Variants in HSDL2 observed in about 807,000 individuals in gnomAD.
HSDL2 encodes hydroxysteroid dehydrogenase-like protein 2.
A neutral mutation model predicts 46.3 loss-of-function variants in HSDL2; 27 were observed. The ratio of observed to expected loss-of-function variants is 0.58; its 90% CI spans 0.43 to 0.80. The LOEUF (loss-of-function observed/expected upper bound fraction) is 0.80, where lower values mean the gene tolerates loss of function less well. HSDL2 is among the 30% of genes least tolerant of loss of function. The pLI is 0.00. For missense variants in HSDL2, 451 were observed against 502.7 expected, an observed-to-expected ratio of 0.90 and a Z score of 0.98; for synonymous variants, 153 against 163.6, an observed-to-expected ratio of 0.94 and a Z score of 0.50.
chr9:112,448,287 C>A (rs913626830), intron 8 of HSDL2, among the ~76,000 whole-genome samples: 8 of 140,782 alleles, frequency 5.7e-5, no homozygotes, highest in Admixed American at 7.7e-5. Context: ...ACTTGAACTT[C>A]CAGGAGGTTC....
At chr9:112,400,375 G>A (rs1831561072) in intron 1 of HSDL2, among the ~76,000 whole-genome samples, 5 of 152,172 alleles carry the variant, frequency 3.3e-5, no homozygotes. Context: ...TTGGGAGGCC[G>A]AGGTGGGCAG....
At chr9:112,454,980 G>T (rs1832982108) in intron 9 of HSDL2, among the ~76,000 whole-genome samples, 1 of 152,124 alleles carries the variant, frequency 6.6e-6, no homozygotes, top group African/African-American at 2.4e-5. Context: ...TGCTGAGATT[G>T]CAGGTGTGAG....
chr9:112,467,724 C>T (rs1833433957), intron 10 of HSDL2, among the ~76,000 whole-genome samples: 1 of 152,126 alleles, frequency 6.6e-6, no homozygotes, highest in Non-Finnish European at 1.5e-5. Context: ...CAAAGTCTTC[C>T]TGTACTCTTC....
intron 5 of HSDL2, among the ~76,000 whole-genome samples, chr9:112,418,290 TATATC>T (rs1361560920): frequency 1.3e-5 from 2 of 151,634 alleles, no homozygotes; most frequent in Admixed American, 6.6e-5. Flanking sequence ...TTCTCAAAAA[TATATC>T]AGGGAGGCTG....
At chr9:112,441,638 A>G (rs1480441861) in intron 7 of HSDL2, 61 bp from the exon 8 acceptor site, 1 of 1,082,292 alleles carries the variant, frequency 9.2e-7, no homozygotes, top group Non-Finnish European at 1.4e-6. Flanking sequence ...TATTAAACAG[A>G]TGTTAAAATC....
intron 2 of HSDL2, among the ~76,000 whole-genome samples, chr9:112,405,120 G>A (rs763519810): frequency 3.9e-5 from 6 of 152,224 alleles, no homozygotes; most frequent in East Asian, 1.9e-4. Context: ...GGGAGGCCAA[G>A]GCGGGTGGAT....
At chr9:112,432,926 C>CCTGGCTAATTTTTGTA in intron 6 of HSDL2, among the ~76,000 whole-genome samples, 1 of 152,072 alleles carries the variant, frequency 6.6e-6, no homozygotes, top group African/African-American at 2.4e-5. Context: ...CACCACCACA[C>CCTGGCTAATTTTTGTA]CTGGCTAATT....
At chr9:112,403,308 A>C (rs1321094759) in intron 1 of HSDL2, among the ~76,000 whole-genome samples, 1 of 152,208 alleles carries the variant, frequency 6.6e-6, no homozygotes, top group Non-Finnish European at 1.5e-5. Flanking sequence ...AGGTTTGCCT[A>C]TTCTGGACAT....
chr9:112,399,475 C>G (rs536625023), intron 1 of HSDL2, among the ~76,000 whole-genome samples: 1 of 152,124 alleles, frequency 6.6e-6, no homozygotes, highest in Non-Finnish European at 1.5e-5. Context: ...AAACAGGGTT[C>G]GAGAGCAGAG....
chr9:112,419,980 C>G (rs1309863861), intron 6 of HSDL2, among the ~76,000 whole-genome samples: 1 of 152,230 alleles, frequency 6.6e-6, no homozygotes, highest in African/African-American at 2.4e-5. Flanking sequence ...GATAACATTT[C>G]ACTACACATT....
chr9:112,407,413 A>T (rs895895643), intron 3 of HSDL2, among the ~76,000 whole-genome samples: 1 of 148,818 alleles, frequency 6.7e-6, no homozygotes, highest in Non-Finnish European at 1.5e-5. Flanking sequence ...ATTCAGTTTT[A>T]GTTCTTTTTT....
intron 4 of HSDL2, among the ~76,000 whole-genome samples, chr9:112,413,233 C>T (rs1831917239): frequency 6.6e-6 from 1 of 152,138 alleles, no homozygotes; most frequent in African/African-American, 2.4e-5. Context: ...AATCCCAGCA[C>T]TTTGGGAGGC....
At chr9:112,457,889 A>C (rs2132700964) in intron 9 of HSDL2, among the ~76,000 whole-genome samples, 1 of 152,236 alleles carries the variant, frequency 6.6e-6, no homozygotes, top group Middle Eastern at 3.4e-3. Flanking sequence ...GAACTATCCC[A>C]ACACCATCCT....
intron 8 of HSDL2, among the ~76,000 whole-genome samples, chr9:112,448,757 G>A (rs1325082618): frequency 6.6e-6 from 1 of 151,510 alleles, no homozygotes; most frequent in Non-Finnish European, 1.5e-5. Flanking sequence ...GGGTTTCACT[G>A]CGTTAGCCAG....
intron 9 of HSDL2, among the ~76,000 whole-genome samples, chr9:112,458,314 C>T (rs1271578961): frequency 1.5e-4 from 2 of 13,316 alleles, no homozygotes; most frequent in African/African-American, 6.7e-4. Flanking sequence ...ATTTTAACCA[C>T]TTCTTCTTTT....
intron 7 of HSDL2, among the ~76,000 whole-genome samples, chr9:112,439,758 C>A (rs554678437): frequency 7.9e-5 from 12 of 152,322 alleles, no homozygotes; most frequent in Admixed American, 2.0e-4. Context: ...CAATTCTGTA[C>A]GGAAAGTAAT....
At chr9:112,416,440 AAACAAAC>A (rs1420458992) in intron 4 of HSDL2, among the ~76,000 whole-genome samples, 3,840 of 150,898 alleles carry the variant, frequency 0.025, 173 homozygotes, top group African/African-American at 0.089. Context: ...TTAAAAAAAA[AAACAAAC>A]AAAAAAAAAG....
intron 6 of HSDL2, among the ~76,000 whole-genome samples, chr9:112,437,775 T>G (rs1468792406): frequency 5.3e-5 from 8 of 152,238 alleles, no homozygotes; most frequent in African/African-American, 1.9e-4. Context: ...GAGAATCAAT[T>G]GGAAGCTATT....
chr9:112,425,912 G>A (rs1832233501), intron 6 of HSDL2, among the ~76,000 whole-genome samples: 1 of 151,138 alleles, frequency 6.6e-6, no homozygotes, highest in Non-Finnish European at 1.5e-5. Context: ...GTTTTTGTGT[G>A]TATGTGTGTG....
Sources: allele counts gnomAD v4.1 joint callset (sites outside exome capture counted in the v4.1 genomes callset), GRCh38; gene constraint gnomAD v4.1.1; transcripts MANE v1.5; gene names NCBI Gene and HGNC (gene_info 2026-07-23, HGNC 2026-07-21).